Variants in MGAT5B observed in about 807,000 individuals in gnomAD.
The protein encoded by MGAT5B is N-acetylglucosaminyl-transferase Vb.
MGAT5B carries 54 observed loss-of-function variants against 95.1 expected under a neutral mutation model. The observed-to-expected ratio is 0.57, with a 90% CI of 0.46 to 0.71. The LOEUF is 0.71. Ranked by LOEUF, MGAT5B falls within the 30% of genes least tolerant of loss-of-function variation. MGAT5B has a pLI of 0.00. For synonymous variants in MGAT5B, 464 were observed against 451.0 expected, an observed-to-expected ratio of 1.03 and a Z score of -0.36; for missense variants, 935 against 1,088.6, an observed-to-expected ratio of 0.86 and a Z score of 1.99.
At chr17:76,926,989 GCCTTCA>G (rs1969334001) in intron 10 of MGAT5B, among the ~76,000 whole-genome samples, 1 of 152,198 alleles carries the variant, frequency 6.6e-6, no homozygotes, top group Non-Finnish European at 1.5e-5. Context: ...AGCAGATGTA[GCCTTCA>G]CCCTCCAGGA....
intron 12 of MGAT5B, 65 bp downstream of exon 12, chr17:76,933,362 T>A: frequency 1.3e-6 from 2 of 1,581,804 alleles, no homozygotes; most frequent in Non-Finnish European, 1.7e-6. Context: ...CAGCAGCCAC[T>A]CCAGGGGTCT....
At chr17:76,927,285 G>A (rs894813698) in intron 10 of MGAT5B, among the ~76,000 whole-genome samples, 1 of 152,138 alleles carries the variant, frequency 6.6e-6, no homozygotes, top group African/African-American at 2.4e-5. Flanking sequence ...TGGTCAGGTT[G>A]CAGTGCAGTG....
At position 76,869,242 on chromosome 17, in the gene MGAT5B, G is replaced by A; in HGVS notation, c.68+145G>A. The A allele has an allele frequency of 2.8e-6, 2 of 725,972 alleles. No individual in the cohort carries two copies. The highest frequency in any genetic ancestry group is 4.9e-6 in the Non-Finnish European group (2 of 411,914). The allele number at this position is 725,972 out of a possible 1,614,324, so 45.0% of individuals were successfully genotyped here. On this transcript the variant is annotated intron_variant, in intron 1 of 17. Coordinates refer to ENST00000569840, the MANE Select transcript of MGAT5B (RefSeq NM_001199172.2). The surrounding 1 kb of genome is among the most constrained non-coding windows in gnomAD (Gnocchi z 7.0). ...TGGTGATGACCAGTGGGGCTGGGCT[G>A]GGGGAACGGATGGCGTTGGGGTTCG...
At chr17:76,935,827 C>A (rs796882746) in intron 12 of MGAT5B, among the ~76,000 whole-genome samples, 1 of 130,988 alleles carries the variant, frequency 7.6e-6, no homozygotes, top group African/African-American at 2.8e-5. Flanking sequence ...ATTATATATA[C>A]TATATATTAT....
intron 8 of MGAT5B, among the ~76,000 whole-genome samples, chr17:76,924,693 G>A (rs142363117): frequency 2.6e-5 from 4 of 152,314 alleles, no homozygotes; most frequent in East Asian, 1.9e-4. Context: ...CATTTGTGTC[G>A]ATGACAAAAG....
chr17:76,926,616 G>A lies in MGAT5B; in HGVS notation c.1177G>A (p.Asp393Asn), dbSNP rs912752305. Residue 393 changes from aspartate to asparagine, a missense_variant, in exon 10 of 18, where the codon GAC (aspartate) becomes AAC (asparagine). Around this residue, in one of 4 missense-constraint regions of MGAT5B, gnomAD observed 9 missense variants for 31.1 expected, o/e 0.29. Coordinates refer to ENST00000569840, the MANE Select transcript of MGAT5B (RefSeq NM_001199172.2). ...GGGCAGGTGCCGAATCAGGGTCATC[G>A]ACACCTTCGGGACGGAACCTGCGTA... ...KKYRCRIRVI[D>N]TFGTEPAYNH... 3.7e-6 allele frequency: 6 copies of A among 1,612,126 alleles called. No homozygotes were observed. Among genetic ancestry groups the A allele is most frequent in the East Asian group, 2.2e-5 (1 of 44,892 alleles).
chr17:76,923,120 C>T (rs890847719), intron 8 of MGAT5B, among the ~76,000 whole-genome samples: 6 of 152,318 alleles, frequency 3.9e-5, no homozygotes, highest in Non-Finnish European at 5.9e-5. Flanking sequence ...GGTGTGCTAA[C>T]GGGATGGTGC....
At chr17:76,926,342 G>A (rs1969310721) in intron 9 of MGAT5B, among the ~76,000 whole-genome samples, 1 of 152,166 alleles carries the variant, frequency 6.6e-6, no homozygotes, top group South Asian at 2.1e-4. Context: ...AAGGACCATG[G>A]GTCAGGAGCT....
Position 76,949,045 on chromosome 17 carries a change from A to G in MGAT5B, c.*207A>G, listed in dbSNP as rs1599018143. The G allele has an allele frequency of 8.0e-6, 5 of 622,478 alleles. No homozygotes were observed. The East Asian group carries it at 1.4e-4, about 17-fold the overall frequency. The allele number at this position is 622,478 out of a possible 1,614,324, so 38.6% of individuals were successfully genotyped here. ...GCCGAGCCCCTGGGACCTCCCAGGC[A>G]GGCTCCGGTTCTCTCCTGGGGACTC... On this transcript the variant is annotated 3_prime_UTR_variant, in exon 18 of 18. Transcript: ENST00000569840.
At chr17:76,908,165 A>G (rs556621018) in intron 8 of MGAT5B, among the ~76,000 whole-genome samples, 106 of 151,884 alleles carry the variant, frequency 7.0e-4, no homozygotes, top group Non-Finnish European at 1.1e-3. Flanking sequence ...CTTAATTTTA[A>G]TGTAATAAAA....
chr17:76,925,020 C>G lies in MGAT5B; in HGVS notation c.1080C>G (p.Pro360=), dbSNP rs568480449. 2 of 1,605,450 alleles carry G rather than the reference C, an allele frequency of 1.2e-6. No individual in the cohort carries two copies. The highest frequency in any genetic ancestry group is 2.3e-5 in the East Asian group (1 of 44,430). ...RGSCPLTMPL[P]FDLIYTDYHG... is the part of the protein sequence containing the mutation. ...GCTGCCCGCTCACCATGCCCCTGCC[C>G]TTCGACCTCATCTACACCGACTACC... Residue 360 remains proline (P), a synonymous_variant, in exon 9 of 18, where the codon CCC becomes CCG. Transcript: ENST00000569840.
chr17:76,892,677 G>A lies in MGAT5B; in HGVS notation c.330-9878G>A, dbSNP rs568631787. ...GGCGCACGGGCGGGGCAGAGCCCTG[G>A]AGACCCGCATGGAGCACTGGTGTTC... On this transcript the variant is annotated intron_variant, in intron 3 of 17. Transcript: ENST00000569840. Among the ~76,000 whole-genome samples, 22 of 152,386 alleles carry A rather than the reference G, an allele frequency of 1.4e-4. No individual in the cohort carries two copies. The East Asian group carries it at 4.0e-3, about 28-fold the overall frequency.
intron 12 of MGAT5B, among the ~76,000 whole-genome samples, chr17:76,937,705 C>T (rs905410159): frequency 6.6e-6 from 1 of 152,120 alleles, no homozygotes; most frequent in Non-Finnish European, 1.5e-5. Context: ...AGTGGCACCA[C>T]GTGAATCCAT....
rs1489913666 is a variant in MGAT5B at position 76,869,407 on chromosome 17, C to T, written c.68+310C>T. 6.6e-6 allele frequency among the ~76,000 whole-genome samples: 1 copy of T among 152,052 alleles called. No individual in the cohort carries two copies. The highest frequency in any genetic ancestry group is 1.5e-5 in the Non-Finnish European group (1 of 67,988). ...CCTGGGCCCAGAAAGTTGCCCCAGC[C>T]TGCGCGCCCCTTCCCAGCCCCTCAG... On this transcript the variant is annotated intron_variant, in intron 1 of 17. Coordinates refer to ENST00000569840, the MANE Select transcript of MGAT5B (RefSeq NM_001199172.2). This position sits in a 1 kb window ranked among gnomAD's most constrained non-coding sequence, Gnocchi z 7.0.
At position 76,885,662 on chromosome 17, in the gene MGAT5B, G is replaced by C. The variant is rs554629412; in HGVS notation, c.329+3364G>C. On this transcript the variant is annotated intron_variant, in intron 3 of 17. Transcript: ENST00000569840. ...CTGGGAAATAGCAACCATCCATCAC[G>C]ACCGGCAGAGCCCATCACACCCACA... Among the ~76,000 whole-genome samples the C allele has an allele frequency of 2.6e-5, 4 of 152,280 alleles. No individual in the cohort carries two copies. In the East Asian group the frequency reaches 5.8e-4, roughly 22 times the overall value.
At chr17:76,939,545 A>AG (rs1969798477) in intron 13 of MGAT5B, among the ~76,000 whole-genome samples, 1 of 152,056 alleles carries the variant, frequency 6.6e-6, no homozygotes, top group Non-Finnish European at 1.5e-5. Context: ...TTTAGGTTTA[A>AG]GGGGTACATA....
intron 9 of MGAT5B, among the ~76,000 whole-genome samples, chr17:76,926,225 G>C (rs910262916): frequency 6.6e-6 from 1 of 152,156 alleles, no homozygotes; most frequent in Non-Finnish European, 1.5e-5. Flanking sequence ...TACCCAGGCA[G>C]ATGCAAATTG....
chr17:76,895,031 C>T (rs371586659), intron 3 of MGAT5B, among the ~76,000 whole-genome samples: 43 of 152,208 alleles, frequency 2.8e-4, no homozygotes, highest in African/African-American at 1.0e-3. Flanking sequence ...AGGAAGTGGG[C>T]GGCAGGCAAG....
chr17:76,893,321 G>A (rs938866999), intron 3 of MGAT5B, among the ~76,000 whole-genome samples: 7 of 152,112 alleles, frequency 4.6e-5, no homozygotes, highest in African/African-American at 1.7e-4. Flanking sequence ...AAATACGTGT[G>A]TATGCACGTG....
Sources: allele counts gnomAD v4.1 joint callset (sites outside exome capture counted in the v4.1 genomes callset), GRCh38; gene constraint gnomAD v4.1.1; regional missense constraint gnomAD v4.1.1; non-coding constraint Gnocchi (gnomAD v3.1); transcripts MANE v1.5; gene names NCBI Gene and HGNC (gene_info 2026-07-23, HGNC 2026-07-21).